HS3ST4: variants seen among roughly 807,000 people sequenced by gnomAD.
HS3ST4 encodes the protein heparan sulfate-glucosamine 3-sulfotransferase 4.
In HS3ST4, 17 loss-of-function variants were observed where a neutral mutation model predicts 29.2. The ratio of observed to expected loss-of-function variants is 0.58; its 90% confidence interval spans 0.40 to 0.87. The LOEUF is 0.87. HS3ST4 is among the 40% of genes least tolerant of loss of function. The pLI is 0.00. For missense variants in HS3ST4, 627 were observed against 634.5 expected (o/e 0.99, Z 0.13); for synonymous variants, 314 against 285.7 (o/e 1.10, Z -1.00).
chr16:26,085,637 CA>C (rs1366354897), intron 1 of HS3ST4, among the ~76,000 whole-genome samples: 2 of 152,042 alleles, frequency 1.3e-5, no homozygotes. Context: ...TTGGGAGGCC[CA>C]GGAGGGAGGA....
Position 25,984,974 on chromosome 16 carries a change from C to T in HS3ST4, c.735-150638C>T, listed in dbSNP as rs185547699. On this transcript the variant is annotated intron_variant, in intron 1 of 1. Transcript: ENST00000331351. ...GTCCCTGGAGAGAGAAACTCTGAGC[C>T]TCAGGCTTGGTGGTCTTAGCACCAT... Among the ~76,000 whole-genome samples the T allele has an allele frequency of 3.3e-5, 5 of 152,310 alleles. No homozygotes were observed. The East Asian group carries it at 9.7e-4, about 29-fold the overall frequency.
At chr16:25,793,567 G>T (rs974358243) in intron 1 of HS3ST4, among the ~76,000 whole-genome samples, 1 of 151,820 alleles carries the variant, frequency 6.6e-6, no homozygotes, top group African/African-American at 2.4e-5. Context: ...TGCCTTAAAG[G>T]CTACTTTGCT....
At chr16:25,795,663 G>A (rs915265585) in intron 1 of HS3ST4, among the ~76,000 whole-genome samples, 1 of 152,156 alleles carries the variant, frequency 6.6e-6, no homozygotes, top group Non-Finnish European at 1.5e-5. Flanking sequence ...ATATCAAACT[G>A]TAGGGTTTCT....
intron 1 of HS3ST4, among the ~76,000 whole-genome samples, chr16:25,857,968 C>CTTTCTTTCTT (rs1567257216): frequency 1.2e-4 from 6 of 50,772 alleles, no homozygotes; most frequent in Admixed American, 6.0e-4. Flanking sequence ...TTCTTTCTTT[C>CTTTCTTTCTT]TTTCTCTTTT....
intron 1 of HS3ST4, among the ~76,000 whole-genome samples, chr16:26,043,950 C>T (rs1327304611): frequency 6.6e-6 from 1 of 152,196 alleles, no homozygotes; most frequent in Non-Finnish European, 1.5e-5. Flanking sequence ...AACCTCTTAA[C>T]CAGTTTCACT....
At chr16:25,956,381 T>C (rs1427956027) in intron 1 of HS3ST4, among the ~76,000 whole-genome samples, 3 of 152,156 alleles carry the variant, frequency 2.0e-5, no homozygotes, top group Non-Finnish European at 4.4e-5. Flanking sequence ...TCTATGTTGA[T>C]AGAATCTTAT....
At chr16:26,010,527 T>C (rs1314477159) in intron 1 of HS3ST4, among the ~76,000 whole-genome samples, 1 of 151,872 alleles carries the variant, frequency 6.6e-6, no homozygotes, top group East Asian at 1.9e-4. Flanking sequence ...TTTGTTAAGA[T>C]AGAGATTTTA....
intron 1 of HS3ST4, among the ~76,000 whole-genome samples, chr16:25,967,725 A>C (rs2141704896): frequency 6.6e-6 from 1 of 152,302 alleles, no homozygotes; most frequent in Non-Finnish European, 1.5e-5. Context: ...TGAGAAGAGA[A>C]GGAAGAGGGC....
At chr16:26,069,881 T>C in intron 1 of HS3ST4, among the ~76,000 whole-genome samples, 1 of 152,096 alleles carries the variant, frequency 6.6e-6, no homozygotes, top group Non-Finnish European at 1.5e-5. Flanking sequence ...ACAAAGGACA[T>C]GAACTCATCA....
intron 1 of HS3ST4, among the ~76,000 whole-genome samples, chr16:25,960,648 G>T (rs1968785606): frequency 6.6e-6 from 1 of 152,150 alleles, no homozygotes; most frequent in Admixed American, 6.5e-5. Context: ...CTACAGACTT[G>T]CTCTATGATC....
intron 1 of HS3ST4, among the ~76,000 whole-genome samples, chr16:25,860,163 G>C (rs1000946618): frequency 6.6e-6 from 1 of 152,168 alleles, no homozygotes; most frequent in Non-Finnish European, 1.5e-5. Context: ...AAAGGGTTGA[G>C]ACCCCTGCTA....
chr16:26,120,069 G>A (rs62036806), intron 1 of HS3ST4, among the ~76,000 whole-genome samples: 17 of 127,100 alleles, frequency 1.3e-4, no homozygotes, highest in South Asian at 1.3e-3. Flanking sequence ...GTGTGTGTGT[G>A]TATGTGTGTG....
chr16:25,761,628 T>C (rs1966789263), intron 1 of HS3ST4, among the ~76,000 whole-genome samples: 2 of 152,172 alleles, frequency 1.3e-5, no homozygotes, highest in Admixed American at 1.3e-4. Context: ...GGGAACCAGA[T>C]CTTGAGAGTC....
chr16:25,819,818 T>G (rs930222650), intron 1 of HS3ST4, among the ~76,000 whole-genome samples: 1 of 151,124 alleles, frequency 6.6e-6, no homozygotes, highest in Non-Finnish European at 1.5e-5. Flanking sequence ...GGATTTCAGT[T>G]TGGCCAACAT....
rs1966255545 is a variant in HS3ST4, at chr16:25,692,308, G to GGCA, written c.-108_-107insAGC. ...CATGCAGCCGGGGCGGCTGGGCAGC[G>GGCA]GCGGCGGCGGCGGCGGCGGCGGCGG... On this transcript the variant is annotated 5_prime_UTR_variant, in exon 1 of 2. Transcript: ENST00000331351. The GGCA allele has an allele frequency of 1.9e-4, 2 of 10,310 alleles. No individual in the cohort carries two copies. Among genetic ancestry groups the GGCA allele is most frequent in the South Asian group, 2.2e-3 (1 of 464 alleles). The allele number at this position is 10,310 out of a possible 1,614,324, so 0.6% of individuals were successfully genotyped here.
In HS3ST4 at chr16:25,828,242, C is replaced by CTGTCTTTCTTTCTT. The variant is rs1371928058; in HGVS notation, c.734+135092_734+135093insGTCTTTCTTTCTTT. On this transcript the variant is annotated intron_variant, in intron 1 of 1. Coordinates refer to ENST00000331351, the MANE Select transcript of HS3ST4 (RefSeq NM_006040.3). ...CTTTCCTTTCTTTCTTTCTTTCTTTCTCTTTCTTTCTTTCTTTCTTTCTTT... is the reference window on the plus strand; with the variant it reads ...CTTTCCTTTCTTTCTTTCTTTCTTTCTGTCTTTCTTTCTTTCTTTCTTTCTTTCTTTCTTTCTTT... Among the ~76,000 whole-genome samples, 280 of 75,028 alleles carry CTGTCTTTCTTTCTT rather than the reference C, an allele frequency of 3.7e-3. 21 individuals carry two copies. Among genetic ancestry groups the CTGTCTTTCTTTCTT allele is most frequent in the African/African-American group, 7.4e-3 (128 of 17,284 alleles). 49.2% of individuals were successfully genotyped at this position (75,028 alleles called of 152,430 possible). A position where few individuals can be genotyped will look rare whatever the true frequency, so the allele number is the denominator to read the frequency against.
chr16:25,919,202 AT>A (rs923412696), intron 1 of HS3ST4, among the ~76,000 whole-genome samples: 3 of 151,280 alleles, frequency 2.0e-5, no homozygotes, highest in African/African-American at 4.9e-5. Context: ...TAATTTTAAA[AT>A]TTTTTTTTGT....
At chr16:25,875,350 C>T (rs36102349) in intron 1 of HS3ST4, among the ~76,000 whole-genome samples, 42,133 of 151,938 alleles carry the variant, frequency 0.28, 6,243 homozygotes, top group Non-Finnish European at 0.33. Context: ...TGGTCATTCG[C>T]GGCACTGATG....
At chr16:25,929,240 G>A (rs1247316013) in intron 1 of HS3ST4, among the ~76,000 whole-genome samples, 2 of 151,992 alleles carry the variant, frequency 1.3e-5, no homozygotes, top group Non-Finnish European at 2.9e-5. Context: ...AAATTAGCTG[G>A]GTGTGATGGT....
Sources: gnomAD v4.1 joint callset for allele counts (sites outside exome capture counted in the v4.1 genomes callset) on GRCh38, gnomAD v4.1.1 for gene constraint, MANE v1.5 for transcripts, NCBI Gene and HGNC (gene_info 2026-07-23, HGNC 2026-07-21) for gene names.